The following ANKS1B variants were observed in gnomAD, a reference collection of about 807,000 sequenced individuals.
The protein encoded by ANKS1B is ankyrin repeat and sterile alpha motif domain-containing protein 1B.
ANKS1B carries 36 observed loss-of-function variants against 148.3 expected under a neutral mutation model. The observed-to-expected ratio is 0.24, with a 90% CI of 0.19 to 0.32. ANKS1B has a LOEUF of 0.32. ANKS1B is among the 10% of genes least tolerant of loss of function. The pLI is 1.00. For synonymous variants in ANKS1B, 542 were observed against 560.8 expected (o/e 0.97, Z 0.47); for missense variants, 1,157 against 1,542.6 (o/e 0.75, Z 4.19).
chr12:99,280,918 C>G (rs555607451), intron 12 of ANKS1B, among the ~76,000 whole-genome samples: 1 of 151,516 alleles, frequency 6.6e-6, no homozygotes, highest in African/African-American at 2.4e-5. Flanking sequence ...CACACACACA[C>G]GTGCGCACAT....
At chr12:98,952,220 A>AT (rs1187903382) in intron 17 of ANKS1B, among the ~76,000 whole-genome samples, 1 of 152,270 alleles carries the variant, frequency 6.6e-6, no homozygotes, top group African/African-American at 2.4e-5. Context: ...GTAGTGTAGT[A>AT]TTCCCCCCGT....
intron 17 of ANKS1B, among the ~76,000 whole-genome samples, chr12:98,935,970 C>A (rs1330521771): frequency 3.4e-4 from 52 of 152,252 alleles, no homozygotes; most frequent in Non-Finnish European, 1.5e-5. Flanking sequence ...CCTTTTCCAG[C>A]AAGAAGCAAG....
At chr12:99,862,500 A>G (rs1327822164) in intron 1 of ANKS1B, among the ~76,000 whole-genome samples, 1 of 152,246 alleles carries the variant, frequency 6.6e-6, no homozygotes, top group African/African-American at 2.4e-5. Flanking sequence ...TCTCTCTAAC[A>G]GTATGCTATT....
At chr12:99,649,303 T>C in intron 9 of ANKS1B, 1 of 1,613,918 alleles carries the variant, frequency 6.2e-7, no homozygotes, top group Non-Finnish European at 8.5e-7. Context: ...TGCCATGAAG[T>C]TTTGTGAAGA....
At chr12:98,763,325 A>C (rs2098437604) in intron 25 of ANKS1B, among the ~76,000 whole-genome samples, 1 of 152,256 alleles carries the variant, frequency 6.6e-6, no homozygotes, top group African/African-American at 2.4e-5. Flanking sequence ...AGTACCAGCC[A>C]GAAATTAGTC....
At chr12:99,199,955 T>A (rs147297625) in intron 14 of ANKS1B, among the ~76,000 whole-genome samples, 12 of 151,282 alleles carry the variant, frequency 7.9e-5, no homozygotes, top group African/African-American at 2.9e-4. Flanking sequence ...AAGAAGAGAG[T>A]GATGAAAAAG....
At chr12:99,245,573 T>A (rs2090103884) in intron 13 of ANKS1B, among the ~76,000 whole-genome samples, 2 of 152,204 alleles carry the variant, frequency 1.3e-5, no homozygotes, top group Admixed American at 1.3e-4. Flanking sequence ...TCAGACCATA[T>A]CCATTTCTAG....
At chr12:99,376,978 T>TACAC (rs149155489) in intron 12 of ANKS1B, among the ~76,000 whole-genome samples, 2 of 149,370 alleles carry the variant, frequency 1.3e-5, no homozygotes, top group East Asian at 1.9e-4. Flanking sequence ...ACCTGCACCT[T>TACAC]ACACACACAC....
intron 16 of ANKS1B, among the ~76,000 whole-genome samples, chr12:99,066,710 G>A (rs1007259891): frequency 2.6e-5 from 4 of 152,166 alleles, no homozygotes; most frequent in East Asian, 1.9e-4. Flanking sequence ...CTAGTGGCTT[G>A]GATAAGGTAC....
chr12:99,483,257 T>C (rs978040814), intron 10 of ANKS1B, among the ~76,000 whole-genome samples: 1 of 152,088 alleles, frequency 6.6e-6, no homozygotes, highest in African/African-American at 2.4e-5. Flanking sequence ...ATTGAGATGA[T>C]CATATCATTT....
chr12:99,176,348 T>C (rs1021717747), intron 14 of ANKS1B, among the ~76,000 whole-genome samples: 3 of 152,216 alleles, frequency 2.0e-5, no homozygotes, highest in African/African-American at 7.2e-5. Flanking sequence ...TTGTTATGAA[T>C]GCATGCTGCT....
rs1279340845 is a variant in ANKS1B at position 99,318,144 on chromosome 12, T to C, written c.1757-71280A>G. 2.0e-5 allele frequency among the ~76,000 whole-genome samples: 3 copies of C among 152,332 alleles called. No individual in the cohort carries two copies. The South Asian group carries it at 6.2e-4, about 32-fold the overall frequency. On this transcript the variant is annotated intron_variant, in intron 12 of 26. Coordinates refer to ENST00000683438, the MANE Select transcript of ANKS1B (RefSeq NM_001352186.2). ...AAATTCTCTTTTATTGTTGTGTCTC[T>C]GCCAGGCTTTGGTATCAGGATGATG...
chr12:99,021,719 A>G (rs906553120), intron 17 of ANKS1B, among the ~76,000 whole-genome samples: 1 of 152,218 alleles, frequency 6.6e-6, no homozygotes, highest in Admixed American at 6.6e-5. Flanking sequence ...AAGACACAAA[A>G]TAGCTGTAGC....
At chr12:99,597,593 T>A (rs962138717) in intron 9 of ANKS1B, among the ~76,000 whole-genome samples, 13 of 152,082 alleles carry the variant, frequency 8.5e-5, no homozygotes, top group Admixed American at 2.6e-4. Flanking sequence ...AAATGAACAT[T>A]ATTATTTTAG....
At chr12:98,956,680 AC>A (rs2099862714) in intron 17 of ANKS1B, among the ~76,000 whole-genome samples, 1 of 152,144 alleles carries the variant, frequency 6.6e-6, no homozygotes, top group Non-Finnish European at 1.5e-5. Context: ...TGTGGGGGAT[AC>A]AAAGCTAGAC....
chr12:99,117,403 T>C (rs1051498505), intron 15 of ANKS1B, among the ~76,000 whole-genome samples: 1 of 152,182 alleles, frequency 6.6e-6, no homozygotes, highest in Non-Finnish European at 1.5e-5. Flanking sequence ...GTTTTTAGCA[T>C]GAAGGGCTGT....
intron 8 of ANKS1B, among the ~76,000 whole-genome samples, chr12:99,676,469 C>T (rs2098572260): frequency 1.3e-5 from 2 of 152,224 alleles, no homozygotes; most frequent in Admixed American, 1.3e-4. Context: ...TCCCATAATA[C>T]TAAGTGATTT....
At chr12:99,199,827 A>G (rs1287500223) in intron 14 of ANKS1B, among the ~76,000 whole-genome samples, 1 of 152,204 alleles carries the variant, frequency 6.6e-6, no homozygotes, top group African/African-American at 2.4e-5. Context: ...GTAGAGGGAC[A>G]CGTACTCAGT....
intron 14 of ANKS1B, among the ~76,000 whole-genome samples, chr12:99,176,601 G>A (rs2078412685): frequency 6.6e-6 from 1 of 152,122 alleles, no homozygotes; most frequent in Non-Finnish European, 1.5e-5. Flanking sequence ...ATATCATGTT[G>A]AGGTGTAATC....
Sources: allele counts gnomAD v4.1 joint callset (sites outside exome capture counted in the v4.1 genomes callset), GRCh38; gene constraint gnomAD v4.1.1; transcripts MANE v1.5; gene names NCBI Gene and HGNC (gene_info 2026-07-23, HGNC 2026-07-21).